The following EXOC5 variants were observed in gnomAD, a reference collection of about 807,000 sequenced individuals.
EXOC5 encodes the protein exocyst complex component 5, also known as SEC10-like 1.
In EXOC5, 17 loss-of-function variants were observed where a neutral mutation model predicts 90.8. That is an observed-to-expected ratio of 0.19 (90% CI 0.13 to 0.28). The LOEUF (loss-of-function observed/expected upper bound fraction) is 0.28. EXOC5 is among the 10% of genes least tolerant of loss of function. The probability of loss-of-function intolerance (pLI) is 1.00; values close to 1 mark genes in which losing one functional copy is unlikely to be tolerated. For synonymous variants in EXOC5, 260 were observed against 270.0 expected (o/e 0.96, Z 0.36); for missense variants, 569 against 830.6 (o/e 0.69, Z 3.87).
At chr14:57,259,457 T>A (rs560717813) in intron 1 of EXOC5, among the ~76,000 whole-genome samples, 2 of 152,216 alleles carry the variant, frequency 1.3e-5, no homozygotes, top group East Asian at 1.9e-4. Flanking sequence ...CTACCCAAAT[T>A]TCTCTGTACC....
At chr14:57,221,621 G>A (rs946964367) in intron 13 of EXOC5, among the ~76,000 whole-genome samples, 1 of 152,172 alleles carries the variant, frequency 6.6e-6, no homozygotes, top group African/African-American at 2.4e-5. Flanking sequence ...TTCTGAAAAG[G>A]AGGAATTGAG....
chr14:57,249,022 T>TA (rs533081475), intron 1 of EXOC5, among the ~76,000 whole-genome samples: 9 of 152,154 alleles, frequency 5.9e-5, no homozygotes, highest in Middle Eastern at 3.2e-3. Flanking sequence ...GAAACTAAGC[T>TA]ACTTAAAAAT....
At chr14:57,225,930 T>C (rs779363442) in intron 12 of EXOC5, among the ~76,000 whole-genome samples, 10 of 152,140 alleles carry the variant, frequency 6.6e-5, no homozygotes, top group Non-Finnish European at 1.5e-4. Context: ...TTCTTTTGAG[T>C]CTTTGACCAC....
chr14:57,247,158 A>G (rs1884055822), intron 2 of EXOC5, among the ~76,000 whole-genome samples: 1 of 152,178 alleles, frequency 6.6e-6, no homozygotes, highest in African/African-American at 2.4e-5. Context: ...GAGGTGAATG[A>G]AAACCTCACC....
At chr14:57,231,048 G>C (rs1038798126) in intron 11 of EXOC5, among the ~76,000 whole-genome samples, 1 of 144,770 alleles carries the variant, frequency 6.9e-6, no homozygotes, top group Admixed American at 7.1e-5. Context: ...TTGCTGTGTC[G>C]CCCAGGCTGG....
intron 14 of EXOC5, 27 bp downstream of exon 14, chr14:57,219,295 C>A: frequency 7.3e-7 from 1 of 1,369,910 alleles, no homozygotes; most frequent in Non-Finnish European, 9.8e-7. Context: ...ACTGAAATAT[C>A]AATGAAAATC....
At chr14:57,248,690 C>T (rs1020905947) in intron 1 of EXOC5, among the ~76,000 whole-genome samples, 10 of 152,036 alleles carry the variant, frequency 6.6e-5, no homozygotes, top group African/African-American at 2.4e-4. Flanking sequence ...TGCCTCCTAC[C>T]TAGCATGTAA....
chr14:57,232,477 G>A, intron 10 of EXOC5, 190 bp downstream of exon 10: 1 of 360,384 alleles, frequency 2.8e-6, no homozygotes. Context: ...TCCAATTCCT[G>A]ACGTTAATGT....
chr14:57,257,543 T>C (rs779843563), intron 1 of EXOC5, among the ~76,000 whole-genome samples: 13 of 152,030 alleles, frequency 8.6e-5, no homozygotes, highest in Non-Finnish European at 1.9e-4. Flanking sequence ...GGCACCAGTG[T>C]AGGTGGAAGA....
At chr14:57,230,503 CCTT>C (rs1883451802) in intron 11 of EXOC5, among the ~76,000 whole-genome samples, 1 of 151,942 alleles carries the variant, frequency 6.6e-6, no homozygotes, top group African/African-American at 2.4e-5. Flanking sequence ...CTTGCTACTA[CCTT>C]TCAGGTATTA....
At chr14:57,218,109 T>C (rs761060744) in intron 14 of EXOC5, 41 bp from the exon 15 acceptor site, 1 of 985,840 alleles carries the variant, frequency 1.0e-6, no homozygotes, top group East Asian at 2.5e-5. Context: ...ATATTAATAG[T>C]CTAATATTTT....
At chr14:57,211,334 A>ATT (rs1566724126) in intron 15 of EXOC5, among the ~76,000 whole-genome samples, 1 of 152,200 alleles carries the variant, frequency 6.6e-6, no homozygotes, top group Non-Finnish European at 1.5e-5. Flanking sequence ...TATTCACTTC[A>ATT]TCCAACTTAC....
chr14:57,243,449 A>T (rs1484915845), intron 4 of EXOC5: 1 of 152,222 alleles, frequency 6.6e-6, no homozygotes, highest in East Asian at 1.9e-4. Flanking sequence ...GGAATAATTC[A>T]GGAAGACTGT....
intron 15 of EXOC5, among the ~76,000 whole-genome samples, chr14:57,213,951 C>CAG (rs142181071): frequency 0.24 from 36,937 of 151,906 alleles, 10,814 homozygotes; most frequent in African/African-American, 0.71. Context: ...GCCTGGGAGA[C>CAG]AGTGAGACTC....
In EXOC5 at chr14:57,254,698, A is replaced by C. The variant is rs565868945; in HGVS notation, c.28-6986T>G. Among the ~76,000 whole-genome samples the C allele has an allele frequency of 2.0e-5, 3 of 152,252 alleles. No individual in the cohort carries two copies. In the South Asian group the frequency reaches 6.2e-4, roughly 32 times the overall value. On this transcript the variant is annotated intron_variant, in intron 1 of 17. Coordinates refer to ENST00000621441, the MANE Select transcript of EXOC5 (RefSeq NM_006544.4). ...TGGAGATGGGACCTTTGGGGAGGTA[A>C]TCAGTGTTAGATGAGGTCACAAGGT...
chr14:57,238,772 G>A (rs1214957660), intron 5 of EXOC5, among the ~76,000 whole-genome samples: 1 of 151,954 alleles, frequency 6.6e-6, no homozygotes, highest in East Asian at 1.9e-4. Context: ...GTTAAGCTAA[G>A]TATAGCAATA....
rs1056234560 is a variant in EXOC5, at chr14:57,203,845, A to T, written c.*4764T>A. 1.3e-5 allele frequency: 2 copies of T among 152,654 alleles called. No homozygotes were observed. The highest frequency in any genetic ancestry group is 4.8e-5 in the African/African-American group (2 of 41,464). 9.5% of individuals were successfully genotyped at this position (152,654 alleles called of 1,614,324 possible). On this transcript the variant is annotated 3_prime_UTR_variant, in exon 18 of 18. Coordinates refer to ENST00000621441, the MANE Select transcript of EXOC5 (RefSeq NM_006544.4). ...CATGTTGCACAGTACATATTAATAT[A>T]GAAAAATACATGTTATCAGCAGCAT...
chr14:57,222,462 T>G, intron 12 of EXOC5, 46 bp from the exon 13 acceptor site: 3 of 1,094,376 alleles, frequency 2.7e-6, no homozygotes, highest in Non-Finnish European at 4.0e-6. Context: ...GTCTACCTTT[T>G]GAAAATGCCA....
chr14:57,245,229 T>C (rs907681049), intron 3 of EXOC5, among the ~76,000 whole-genome samples: 2 of 152,128 alleles, frequency 1.3e-5, no homozygotes, highest in African/African-American at 2.4e-5. Context: ...GCCTTGTAAT[T>C]GCCAACAGTG....
Sources: gnomAD v4.1 joint callset for allele counts (sites outside exome capture counted in the v4.1 genomes callset) on GRCh38, gnomAD v4.1.1 for gene constraint, MANE v1.5 for transcripts, NCBI Gene and HGNC (gene_info 2026-07-23, HGNC 2026-07-21) for gene names.